SACS: variants seen among roughly 807,000 people sequenced by gnomAD.
SACS encodes sacsin molecular chaperone, also known as sacsin.
SACS carries 197 observed loss-of-function variants against 348.0 expected under a neutral mutation model. The ratio of observed to expected loss-of-function variants is 0.57; its 90% CI spans 0.50 to 0.64. The LOEUF is 0.64. SACS is among the 30% of genes least tolerant of loss of function. SACS has a pLI of 0.00. For missense variants in SACS, 4,999 were observed against 5,360.8 expected (o/e 0.93, Z 2.11); for synonymous variants, 1,985 against 1,910.6 (o/e 1.04, Z -1.02).
chr13:23,422,258 C>T (rs1873980827), intron 1 of SACS, among the ~76,000 whole-genome samples: 1 of 152,114 alleles, frequency 6.6e-6, no homozygotes, highest in Admixed American at 6.5e-5. Context: ...AAATTCAGCC[C>T]AATAACTAAA....
chr13:23,350,497 AC>A lies in SACS; in HGVS notation c.2185+3287del, dbSNP rs1869882115. ...TTTAAATGTAATACAAGGAAAAGGT[AC>A]AATTATTAAATAATGTGACAAATTT... is the stretch of plus-strand genomic sequence containing the variant. On this transcript the variant is annotated intron_variant, in intron 9 of 9. Coordinates refer to ENST00000382292, the MANE Select transcript of SACS (RefSeq NM_014363.6). 2.6e-5 allele frequency among the ~76,000 whole-genome samples: 4 copies of A among 152,374 alleles called. No homozygotes were observed. In the East Asian group the frequency reaches 7.7e-4, roughly 29 times the overall value.
chr13:23,380,487 C>T (rs1872009051), intron 2 of SACS, among the ~76,000 whole-genome samples: 1 of 152,096 alleles, frequency 6.6e-6, no homozygotes, highest in Non-Finnish European at 1.5e-5. Context: ...TCATTTTAAG[C>T]TCCAATTGGG....
In SACS at chr13:23,331,712, G is replaced by T; in HGVS notation, c.12164C>A (p.Thr4055Lys). Residue 4055 changes from threonine to lysine, a missense_variant, in exon 10 of 10, where the codon ACA becomes AAA. Coordinates refer to ENST00000382292, the MANE Select transcript of SACS (RefSeq NM_014363.6). ...ATTAAAACCTTTAACTCTTAATGTT[G>T]TTTGAAGCTTTTCAAAGCAGGATAC... ...LKVSCFEKLQ[T>K]TLRVKGFNPI... is the part of the protein sequence containing the mutation. 1 of 1,613,938 alleles carries T rather than the reference G, an allele frequency of 6.2e-7. No individual in the cohort carries two copies. Among genetic ancestry groups the T allele is most frequent in the Non-Finnish European group, 8.5e-7 (1 of 1,179,950 alleles).
chr13:23,418,991 G>A (rs1161981092), intron 1 of SACS: 2 of 152,328 alleles, frequency 1.3e-5, no homozygotes, highest in Non-Finnish European at 2.9e-5. Context: ...AGTTGGTGCT[G>A]AGTAAGATGT....
chr13:23,383,972 C>T (rs888644782), intron 2 of SACS, among the ~76,000 whole-genome samples: 4 of 152,162 alleles, frequency 2.6e-5, no homozygotes, highest in Non-Finnish European at 5.9e-5. Flanking sequence ...GAAGGGTCAT[C>T]GCAAGGTCTT....
rs1317050000 is a variant in SACS at position 23,339,527 on chromosome 13, C to A, written c.4349G>T (p.Gly1450Val). Residue 1450 changes from glycine to valine, a missense_variant, in exon 10 of 10, where the codon GGA becomes GTA. By Grantham distance (109) the Gly-to-Val change is moderately radical. Transcript: ENST00000382292. ...STRLINPENM[G>V]FEQSGQREPL... ...CTCTCTTTGTCCTGACTGCTCAAATCCCATGTTTTCAGGATTTATCAGTCT... is the reference window on the plus strand; with the variant it reads ...CTCTCTTTGTCCTGACTGCTCAAATACCATGTTTTCAGGATTTATCAGTCT... 1.9e-6 allele frequency: 3 copies of A among 1,612,972 alleles called. No individual in the cohort carries two copies. Among genetic ancestry groups the A allele is most frequent in the Non-Finnish European group, 2.5e-6 (3 of 1,179,112 alleles).
rs769343810 is a variant in SACS at position 23,340,858 on chromosome 13, A to T, written c.3018T>A (p.His1006Gln). 2 of 1,608,190 alleles carry T rather than the reference A, an allele frequency of 1.2e-6. No individual in the cohort carries two copies. The highest frequency in any genetic ancestry group is 4.5e-5 in the East Asian group (2 of 44,754). The change falls in exon 10 of 10, where the codon CAT (histidine) becomes CAA (glutamine). Residue 1006 changes from histidine (H) to glutamine (Q), a missense_variant. Physicochemically the swap from His to Gln is conservative, Grantham distance 24. Coordinates refer to ENST00000382292, the MANE Select transcript of SACS (RefSeq NM_014363.6). ...ATAACATAAGCTGTGTTACCTCTTC[A>T]TGTGAATAAAATGCATTTTCAATAT... ...LKDIENAFYS[H>Q]EEVTQLMLWV...
In SACS at chr13:23,331,342, C is replaced by A. The variant is rs765128892; in HGVS notation, c.12534G>T (p.Pro4178=). The change falls in exon 10 of 10, where the codon CCG becomes CCT. Residue 4178 remains proline, a synonymous_variant. Transcript: ENST00000382292. ...CAACAAGGTACCCAACATATTCTCCCGGGTAAAAAACATTCATTGGGTCCA... is the reference window on the plus strand; with the variant it reads ...CAACAAGGTACCCAACATATTCTCCAGGGTAAAAAACATTCATTGGGTCCA... ...LLMDPMNVFY[P]GEYVGYLVDA... The A allele has an allele frequency of 1.2e-6, 2 of 1,613,884 alleles. No homozygotes were observed. The highest frequency in any genetic ancestry group is 1.7e-6 in the Non-Finnish European group (2 of 1,179,946).
At chr13:23,395,625 C>A (rs941195761) in intron 2 of SACS, among the ~76,000 whole-genome samples, 5 of 152,164 alleles carry the variant, frequency 3.3e-5, no homozygotes, top group Non-Finnish European at 7.3e-5. Context: ...CTACCCACAT[C>A]AGGAGCTCTC....
chr13:23,366,957 G>A (rs778716948), intron 5 of SACS, among the ~76,000 whole-genome samples: 1 of 152,084 alleles, frequency 6.6e-6, no homozygotes, highest in Non-Finnish European at 1.5e-5. Context: ...CAACATCCAA[G>A]GAACAAAGAT....
In SACS at chr13:23,336,294, A is replaced by G. The variant is rs780426569; in HGVS notation, c.7582T>C (p.Leu2528=). The change falls in exon 10 of 10, where the codon TTG becomes CTG. Residue 2528 remains leucine (L), a synonymous_variant. Transcript: ENST00000382292. ...LGTEFGQKEK[L]TSRIKSILNA... ...AGGATGCTCTTAATTCTGCTGGTCA[A>G]TTTTTCTTTCTGCCCAAATTCTGTG... The G allele has an allele frequency of 3.1e-6, 5 of 1,613,996 alleles. No homozygotes were observed. The highest frequency in any genetic ancestry group is 1.3e-5 in the African/African-American group (1 of 75,016).
Position 23,333,097 on chromosome 13 carries a change from G to A in SACS, c.10779C>T (p.Tyr3593=). The change falls in exon 10 of 10, where the codon TAC becomes TAT. Residue 3593 remains tyrosine, a synonymous_variant. Transcript: ENST00000382292. Reference sequence around the variant, plus strand: ...GTAACAACTGCTGCTGAGAAAGTATGTATTTTAGTCCAATATTTCTTAAGA... The same window carrying A: ...GTAACAACTGCTGCTGAGAAAGTATATATTTTAGTCCAATATTTCTTAAGA... ...VEFLRNIGLK[Y]ILSQQQLLQF... 2 of 1,613,684 alleles carry A rather than the reference G, an allele frequency of 1.2e-6. No homozygotes were observed. The highest frequency in any genetic ancestry group is 1.7e-6 in the Non-Finnish European group (2 of 1,179,718).
At chr13:23,420,930 A>C (rs1220701148) in intron 1 of SACS, among the ~76,000 whole-genome samples, 1 of 151,680 alleles carries the variant, frequency 6.6e-6, no homozygotes, top group Non-Finnish European at 1.5e-5. Flanking sequence ...CTCAGTGCCC[A>C]CTTGGGGCCT....
chr13:23,401,066 A>G (rs1872954855), intron 2 of SACS, among the ~76,000 whole-genome samples: 1 of 152,208 alleles, frequency 6.6e-6, no homozygotes, highest in Admixed American at 6.5e-5. Flanking sequence ...TAGAAATTAT[A>G]AGAAGTTCCT....
intron 2 of SACS, among the ~76,000 whole-genome samples, chr13:23,379,664 C>G (rs534053292): frequency 8.5e-5 from 13 of 152,284 alleles, no homozygotes; most frequent in South Asian, 2.1e-4. Context: ...GGGACAGACC[C>G]TCTGTGGGGT....
At chr13:23,347,051 G>C (rs1310392912) in intron 9 of SACS, among the ~76,000 whole-genome samples, 3 of 152,122 alleles carry the variant, frequency 2.0e-5, no homozygotes, top group African/African-American at 7.2e-5. Flanking sequence ...ATCGAAGTAC[G>C]TAAGAGTCAG....
At chr13:23,357,580 T>C (rs184532079) in intron 7 of SACS, among the ~76,000 whole-genome samples, 3 of 152,316 alleles carry the variant, frequency 2.0e-5, no homozygotes, top group Admixed American at 6.5e-5. Flanking sequence ...GCTACAGTGA[T>C]AGCCCTGCCT....
Position 23,332,068 on chromosome 13 carries a change from C to T in SACS, c.11808G>A (p.Gly3936=). 1 of 1,614,038 alleles carries T rather than the reference C, an allele frequency of 6.2e-7. No individual in the cohort carries two copies. The highest frequency in any genetic ancestry group is 8.5e-7 in the Non-Finnish European group (1 of 1,179,962). ...CAACTAACATTTGCACACCAATATTCCCCTGGATTCTACTTTTATAATGTG... is the reference window on the plus strand; with the variant it reads ...CAACTAACATTTGCACACCAATATTTCCCTGGATTCTACTTTTATAATGTG... ...DAPHYKSRIQ[G]NIGVQMLVDL... Residue 3936 remains glycine (G), a synonymous_variant, in exon 10 of 10, where the codon GGG becomes GGA. Transcript: ENST00000382292.
At chr13:23,384,531 T>C (rs1412434057) in intron 2 of SACS, among the ~76,000 whole-genome samples, 11 of 152,238 alleles carry the variant, frequency 7.2e-5, no homozygotes, top group African/African-American at 2.4e-4. Flanking sequence ...AATTCTCTTA[T>C]TGGACAGATA....
Sources: gnomAD v4.1 joint callset for allele counts (sites outside exome capture counted in the v4.1 genomes callset) on GRCh38, gnomAD v4.1.1 for gene constraint, MANE v1.5 for transcripts, NCBI Gene and HGNC (gene_info 2026-07-23, HGNC 2026-07-21) for gene names.